NCKAP5: variants seen among roughly 807,000 people sequenced by gnomAD.
NCKAP5 encodes the protein NCK associated protein 5.
A neutral mutation model predicts 167.0 loss-of-function variants in NCKAP5; 92 were observed. The observed-to-expected ratio is 0.55, with a 90% CI of 0.47 to 0.66. The LOEUF is 0.66. Among genes scored for constraint, NCKAP5 ranks in the 30% least tolerant of loss-of-function variants. NCKAP5 has a pLI of 0.00. For missense variants in NCKAP5, 2,378 were observed against 2,315.0 expected, an observed-to-expected ratio of 1.03 and a Z score of -0.56; for synonymous variants, 891 against 877.4, an observed-to-expected ratio of 1.02 and a Z score of -0.27.
chr2:133,516,596 AC>A (rs1216660763), intron 3 of NCKAP5, among the ~76,000 whole-genome samples: 1 of 152,208 alleles, frequency 6.6e-6, no homozygotes, highest in Non-Finnish European at 1.5e-5. Flanking sequence ...AGCAAGACCT[AC>A]AGCTGCAAAG....
chr2:133,051,076 G>C (rs186493774), intron 6 of NCKAP5, among the ~76,000 whole-genome samples: 145 of 152,116 alleles, frequency 9.5e-4, no homozygotes, highest in African/African-American at 3.4e-3. Flanking sequence ...TCTTAATCTT[G>C]TCAAGAGTAT....
At position 133,494,785 on chromosome 2, in the gene NCKAP5, AAAG is replaced by A. The variant is rs537012010; in HGVS notation, c.69+22670_69+22672del. 7.3e-4 allele frequency among the ~76,000 whole-genome samples: 111 copies of A among 152,308 alleles called. 1 individual carries two copies. The highest frequency in any genetic ancestry group is 2.5e-3 in the African/African-American group (102 of 41,566). ...CATACATGTCAGAGAGCAGGCACCA[AAAG>A]AAATTATTTTACCCCAAAATATATT... is the stretch of plus-strand genomic sequence containing the variant. On this transcript the variant is annotated intron_variant, in intron 3 of 19. Coordinates refer to ENST00000409261, the MANE Select transcript of NCKAP5 (RefSeq NM_207363.3).
intron 3 of NCKAP5, among the ~76,000 whole-genome samples, chr2:133,501,188 G>A (rs936157370): frequency 7.2e-5 from 11 of 152,194 alleles, no homozygotes; most frequent in Non-Finnish European, 1.5e-4. Flanking sequence ...GGGACCAGAC[G>A]TGTGGAGCCC....
At chr2:132,968,215 G>A (rs1276661725) in intron 7 of NCKAP5, among the ~76,000 whole-genome samples, 2 of 152,244 alleles carry the variant, frequency 1.3e-5, no homozygotes, top group African/African-American at 2.4e-5. Flanking sequence ...ACGTAGGGGA[G>A]TGGTAGGTTC....
chr2:132,938,239 A>AAGATAGGGCATTTCAGGAATC (rs1335206704), intron 8 of NCKAP5, among the ~76,000 whole-genome samples: 1 of 152,158 alleles, frequency 6.6e-6, no homozygotes, highest in African/African-American at 2.4e-5. Context: ...GGAATCAATC[A>AAGATAGGGCATTTCAGGAATC]AGATAGGGCA....
the NCKAP5 span, among the ~76,000 whole-genome samples, chr2:133,659,301 G>C: frequency 1.3e-5 from 2 of 152,100 alleles, no homozygotes; most frequent in Non-Finnish European, 2.9e-5. Flanking sequence ...AAAGAATAAA[G>C]CTGAACACTA....
chr2:133,413,360 G>A (rs1688895998), intron 3 of NCKAP5, among the ~76,000 whole-genome samples: 1 of 152,198 alleles, frequency 6.6e-6, no homozygotes, highest in Non-Finnish European at 1.5e-5. Flanking sequence ...CACACAGATT[G>A]CAAACAGAAG....
chr2:133,033,453 C>T lies in NCKAP5; in HGVS notation c.342-39214G>A, dbSNP rs552497436. On this transcript the variant is annotated intron_variant, in intron 6 of 19. Transcript: ENST00000409261. Reference sequence around the variant, plus strand: ...ACCTAACTCTTCAATGCTCAGACATCAAAGAACACCTAGTAGGATCAACAC... The same window carrying T: ...ACCTAACTCTTCAATGCTCAGACATTAAAGAACACCTAGTAGGATCAACAC... Among the ~76,000 whole-genome samples, 3 of 152,246 alleles carry T rather than the reference C, an allele frequency of 2.0e-5. No homozygotes were observed. In the South Asian group the frequency reaches 6.2e-4, roughly 32 times the overall value.
chr2:133,498,700 A>G (rs1438626097), intron 3 of NCKAP5, among the ~76,000 whole-genome samples: 3 of 152,042 alleles, frequency 2.0e-5, no homozygotes, highest in Admixed American at 2.0e-4. Flanking sequence ...AGAGAGGGAG[A>G]GAAAGAAGAG....
At chr2:132,723,017 G>T (rs1690082014) in intron 19 of NCKAP5, among the ~76,000 whole-genome samples, 1 of 151,962 alleles carries the variant, frequency 6.6e-6, no homozygotes, top group Admixed American at 6.6e-5. Context: ...TGTAAAGACA[G>T]GTTCTCACTA....
chr2:132,697,944 G>T (rs1687506306), intron 19 of NCKAP5, among the ~76,000 whole-genome samples: 1 of 152,110 alleles, frequency 6.6e-6, no homozygotes, highest in Admixed American at 6.6e-5. Flanking sequence ...TTAAAATGTG[G>T]AAAATATGAA....
intron 4 of NCKAP5, among the ~76,000 whole-genome samples, chr2:133,233,578 C>T (rs561507486): frequency 6.6e-6 from 1 of 152,196 alleles, no homozygotes; most frequent in African/African-American, 2.4e-5. Context: ...ATATGTATAA[C>T]TTAACTACAT....
chr2:133,198,905 C>G (rs1038437931), intron 5 of NCKAP5, among the ~76,000 whole-genome samples: 12 of 151,820 alleles, frequency 7.9e-5, no homozygotes, highest in African/African-American at 2.2e-4. Flanking sequence ...GTGGTATTTG[C>G]AAAGCACAAA....
chr2:133,020,092 T>C (rs1334911140), intron 6 of NCKAP5, among the ~76,000 whole-genome samples: 1 of 152,220 alleles, frequency 6.6e-6, no homozygotes, highest in Non-Finnish European at 1.5e-5. Context: ...ATAACTGAAG[T>C]CATTTATGAA....
At chr2:133,609,341 AC>A in the NCKAP5 span, among the ~76,000 whole-genome samples, 1 of 152,248 alleles carries the variant, frequency 6.6e-6, no homozygotes, top group Non-Finnish European at 1.5e-5. Flanking sequence ...GAATGAATAA[AC>A]AATGTCATAT....
At chr2:132,897,219 G>A (rs1693275546) in intron 8 of NCKAP5, among the ~76,000 whole-genome samples, 1 of 152,162 alleles carries the variant, frequency 6.6e-6, no homozygotes, top group Admixed American at 6.5e-5. Context: ...AGCATGGCTG[G>A]CCTTATTCTC....
At chr2:133,135,786 T>C (rs2149815697) in intron 5 of NCKAP5, among the ~76,000 whole-genome samples, 1 of 152,226 alleles carries the variant, frequency 6.6e-6, no homozygotes, top group Non-Finnish European at 1.5e-5. Flanking sequence ...TTTCATAGTA[T>C]CATTGTGAAT....
At chr2:133,553,825 T>C (rs1211617372) in intron 2 of NCKAP5, among the ~76,000 whole-genome samples, 2 of 152,220 alleles carry the variant, frequency 1.3e-5, no homozygotes, top group East Asian at 1.9e-4. Context: ...TATATATTTG[T>C]TATCTATTGC....
intron 11 of NCKAP5, among the ~76,000 whole-genome samples, chr2:132,820,216 T>G (rs1686602471): frequency 6.7e-6 from 1 of 149,810 alleles, no homozygotes; most frequent in Admixed American, 6.7e-5. Context: ...TAGTAAGTTT[T>G]TTGTTTTGTT....
Sources: gnomAD v4.1 joint callset for allele counts (sites outside exome capture counted in the v4.1 genomes callset) on GRCh38, gnomAD v4.1.1 for gene constraint, MANE v1.5 for transcripts, NCBI Gene and HGNC (gene_info 2026-07-23, HGNC 2026-07-21) for gene names.